NEDD4L: variants seen among roughly 807,000 people sequenced by gnomAD.
The protein encoded by NEDD4L is E3 ubiquitin-protein ligase NEDD4-like.
A neutral mutation model predicts 148.9 loss-of-function variants in NEDD4L; 54 were observed. That is an observed-to-expected ratio of 0.36 (90% CI 0.29 to 0.45). NEDD4L has a LOEUF of 0.45. Ranked by LOEUF, NEDD4L falls within the 20% of genes least tolerant of loss-of-function variation. The pLI is 1.00. For missense variants in NEDD4L, 856 were observed against 1,233.8 expected (o/e 0.69, Z 4.59); for synonymous variants, 433 against 440.7 (o/e 0.98, Z 0.22).
chr18:58,208,547 CCT>C (rs879357287), intron 2 of NEDD4L, among the ~76,000 whole-genome samples: 81,608 of 151,496 alleles, frequency 0.54, 23,442 homozygotes, highest in Non-Finnish European at 0.65. Context: ...TTTAAGTCAT[CCT>C]TAATTCCCTG....
chr18:58,394,419 A>G (rs1470993329), intron 30 of NEDD4L, among the ~76,000 whole-genome samples: 1 of 152,252 alleles, frequency 6.6e-6, no homozygotes, highest in Admixed American at 6.5e-5. Flanking sequence ...TTTAAAGGGA[A>G]AAAATGGTCA....
intron 30 of NEDD4L, among the ~76,000 whole-genome samples, 178 bp from the exon 31 acceptor site, chr18:58,395,989 C>G (rs1224318978): frequency 6.6e-6 from 1 of 152,090 alleles, no homozygotes; most frequent in Non-Finnish European, 1.5e-5. Flanking sequence ...CTGTAAATTA[C>G]AAGAGCTTAT....
chr18:58,116,208 G>A lies in NEDD4L; in HGVS notation c.49-49580G>A, dbSNP rs935481615. 1.8e-4 allele frequency among the ~76,000 whole-genome samples: 27 copies of A among 152,174 alleles called. 1 individual carries two copies. Among genetic ancestry groups the A allele is most frequent in the African/African-American group, 5.8e-4 (24 of 41,432 alleles). On this transcript the variant is annotated intron_variant, in intron 1 of 30. Coordinates refer to ENST00000400345, the MANE Select transcript of NEDD4L (RefSeq NM_001144967.3). ...TTCCAGACAGCACGCTCAGAATTGC[G>A]TTTCTTACTTCCAGTCTTCTTGCCC...
chr18:58,117,399 G>A (rs1471470388), intron 1 of NEDD4L, among the ~76,000 whole-genome samples: 1 of 152,174 alleles, frequency 6.6e-6, no homozygotes, highest in East Asian at 1.9e-4. Context: ...TTGCTTCTGT[G>A]TGTTAATCTT....
chr18:58,080,027 G>A (rs1056080753), intron 1 of NEDD4L, among the ~76,000 whole-genome samples: 4 of 152,104 alleles, frequency 2.6e-5, no homozygotes, highest in Non-Finnish European at 2.9e-5. Context: ...TCCTGGGCTC[G>A]AGCCATCCTC....
intron 1 of NEDD4L, chr18:58,054,607 AG>A (rs1214489033): frequency 6.1e-6 from 1 of 164,534 alleles, no homozygotes; most frequent in African/African-American, 2.4e-5. Flanking sequence ...CAAAAGAAAA[AG>A]AAAAAGCAAG....
intron 2 of NEDD4L, among the ~76,000 whole-genome samples, chr18:58,229,854 G>A (rs529333911): frequency 9.3e-4 from 142 of 152,240 alleles, no homozygotes; most frequent in Non-Finnish European, 1.3e-3. Flanking sequence ...GCTGGGCGTG[G>A]TGGCGGGCAC....
intron 24 of NEDD4L, among the ~76,000 whole-genome samples, chr18:58,374,820 C>T (rs929071005): frequency 6.6e-6 from 1 of 152,100 alleles, no homozygotes; most frequent in Non-Finnish European, 1.5e-5. Context: ...TGCCAGCTGT[C>T]CTGCACCCGC....
intron 1 of NEDD4L, among the ~76,000 whole-genome samples, chr18:58,130,419 C>A (rs1027147064): frequency 1.7e-5 from 2 of 116,502 alleles, no homozygotes; most frequent in African/African-American, 6.7e-5. Flanking sequence ...TGTGATCTAG[C>A]GGAACTGTGG....
At chr18:58,049,363 C>T (rs1273717151) in intron 1 of NEDD4L, among the ~76,000 whole-genome samples, 2 of 152,200 alleles carry the variant, frequency 1.3e-5, no homozygotes, top group African/African-American at 2.4e-5. Flanking sequence ...TGTGTATTTT[C>T]AAGAGATTAC....
intron 3 of NEDD4L, among the ~76,000 whole-genome samples, chr18:58,247,870 G>C (rs2047460286): frequency 6.6e-6 from 1 of 152,224 alleles, no homozygotes; most frequent in South Asian, 2.1e-4. Flanking sequence ...TGGGAGAAAA[G>C]TATGAACCCC....
At chr18:58,086,500 T>C (rs754772351) in intron 1 of NEDD4L, among the ~76,000 whole-genome samples, 3 of 152,210 alleles carry the variant, frequency 2.0e-5, no homozygotes, top group Admixed American at 2.0e-4. Flanking sequence ...GTATTACTCA[T>C]GTAGGAAGAC....
intron 28 of NEDD4L, 23 bp from the exon 29 acceptor site, chr18:58,390,623 T>C: frequency 6.6e-7 from 1 of 1,524,060 alleles, no homozygotes; most frequent in Non-Finnish European, 9.0e-7. Context: ...GGGGGTATAA[T>C]GACCTTCTGC....
At chr18:58,197,902 G>C (rs1370143681) in intron 2 of NEDD4L, 1 of 152,250 alleles carries the variant, frequency 6.6e-6, no homozygotes, top group Non-Finnish European at 1.5e-5. Context: ...CTTGAGGGAA[G>C]GCGCTGCCCC....
chr18:58,111,814 G>T (rs1351172906), intron 1 of NEDD4L, among the ~76,000 whole-genome samples: 1 of 152,134 alleles, frequency 6.6e-6, no homozygotes, highest in Non-Finnish European at 1.5e-5. Context: ...GGTTTTGGAT[G>T]AATATGTTTT....
At chr18:58,277,826 T>C (rs1301050919) in intron 5 of NEDD4L, among the ~76,000 whole-genome samples, 1 of 152,226 alleles carries the variant, frequency 6.6e-6, no homozygotes, top group Non-Finnish European at 1.5e-5. Context: ...TGTATTGGCA[T>C]GTTCTGATAG....
chr18:58,115,294 T>C (rs547050495), intron 1 of NEDD4L, among the ~76,000 whole-genome samples: 1 of 147,350 alleles, frequency 6.8e-6, no homozygotes, highest in South Asian at 2.2e-4. Flanking sequence ...TGCCTTAGAA[T>C]CATGCAGTCC....
chr18:58,099,747 G>A (rs1267701511), intron 1 of NEDD4L, among the ~76,000 whole-genome samples: 1 of 152,158 alleles, frequency 6.6e-6, no homozygotes, highest in Non-Finnish European at 1.5e-5. Flanking sequence ...GACTCTAAGG[G>A]GTGTAAGACG....
chr18:58,145,673 C>T (rs557273328), intron 1 of NEDD4L, among the ~76,000 whole-genome samples: 7 of 151,446 alleles, frequency 4.6e-5, no homozygotes, highest in South Asian at 2.1e-4. Context: ...GTAAATACAT[C>T]GTTGCCTGCT....
Sources: gnomAD v4.1 joint callset for allele counts (sites outside exome capture counted in the v4.1 genomes callset) on GRCh38, gnomAD v4.1.1 for gene constraint, MANE v1.5 for transcripts, NCBI Gene and HGNC (gene_info 2026-07-23, HGNC 2026-07-21) for gene names.